Variants in ADIPOR1 observed in about 807,000 individuals in gnomAD.
ADIPOR1 encodes the protein adiponectin receptor protein 1.
Under a neutral mutation model 37.5 loss-of-function variants are expected in ADIPOR1, and 15 were observed. That is an observed-to-expected ratio of 0.40 (90% CI 0.27 to 0.62). The LOEUF is 0.62. Among genes scored for constraint, ADIPOR1 ranks in the 20% least tolerant of loss-of-function variants. The probability of loss-of-function intolerance (pLI) is 0.42; values close to 1 mark genes in which losing one functional copy is unlikely to be tolerated. For synonymous variants in ADIPOR1, 173 were observed against 173.2 expected (o/e 1.00, Z 0.01); for missense variants, 286 against 478.0 (o/e 0.60, Z 3.75).
intron 3 of ADIPOR1, among the ~76,000 whole-genome samples, chr1:202,947,580 A>G (rs1654386933): frequency 6.6e-6 from 1 of 152,100 alleles, no homozygotes; most frequent in African/African-American, 2.4e-5. Flanking sequence ...CAAAATTGAT[A>G]TACTGAATAA....
intron 1 of ADIPOR1, among the ~76,000 whole-genome samples, chr1:202,951,424 A>C (rs1335837989): frequency 2.6e-5 from 4 of 152,186 alleles, no homozygotes; most frequent in African/African-American, 9.7e-5. Context: ...TTACTGCACC[A>C]AACTGTCACC....
chr1:202,950,199 G>A (rs1424661359), intron 2 of ADIPOR1, among the ~76,000 whole-genome samples: 3 of 149,840 alleles, frequency 2.0e-5, no homozygotes, highest in Admixed American at 2.0e-4. Context: ...CTGATCTCAG[G>A]TGATCCACCT....
At chr1:202,941,952 C>G (rs1000546318) in intron 7 of ADIPOR1, 73 bp downstream of exon 7, 5 of 1,477,812 alleles carry the variant, frequency 3.4e-6, no homozygotes, top group South Asian at 1.3e-5. Context: ...TCTCATACCA[C>G]CTTTTCCTCA....
Position 202,950,988 on chromosome 1 carries a change from G to C in ADIPOR1, c.83C>G (p.Ala28Gly). 6.2e-7 allele frequency: 1 copy of C among 1,614,156 alleles called. No individual in the cohort carries two copies. The change falls in exon 2 of 8, where the codon GCT becomes GGT. Residue 28 changes from alanine to glycine, a missense_variant. Coordinates refer to ENST00000340990, the MANE Select transcript of ADIPOR1 (RefSeq NM_015999.6). ...SNREADTVEL[A>G]ELGPLLEEKG... The stretch of plus-strand genomic sequence containing the variant: ...CTCTTCTAGCAGGGGTCCCAGTTCA[G>C]CCAGTTCCACCGTGTCAGCTTCCCT...
intron 1 of ADIPOR1, among the ~76,000 whole-genome samples, chr1:202,956,470 G>C (rs974735072): frequency 1.3e-5 from 2 of 152,180 alleles, no homozygotes; most frequent in African/African-American, 4.8e-5. Flanking sequence ...ACAGAGACAA[G>C]GCAAAGAGGA....
intron 3 of ADIPOR1, among the ~76,000 whole-genome samples, chr1:202,947,247 C>T (rs536761642): frequency 1.3e-3 from 189 of 151,056 alleles, no homozygotes; most frequent in Non-Finnish European, 2.3e-3. Context: ...CCAGGCTGGG[C>T]GCAGTGGTTC....
At chr1:202,947,528 T>C (rs964638960) in intron 3 of ADIPOR1, among the ~76,000 whole-genome samples, 5 of 151,668 alleles carry the variant, frequency 3.3e-5, no homozygotes, top group African/African-American at 9.7e-5. Context: ...AAAAAATATA[T>C]ATATATATAT....
Position 202,945,159 on chromosome 1 carries a change from C to T in ADIPOR1, c.441G>A (p.Leu147=). Residue 147 remains leucine (L), a synonymous_variant, in exon 5 of 8, where the codon CTG becomes CTA. Coordinates refer to ENST00000340990, the MANE Select transcript of ADIPOR1 (RefSeq NM_015999.6). ...TGGTCAAGATTCCCAAAAAGAGAAACAGCACGAAACCTGCAGGAGGGTAAA... is the reference window on the plus strand; with the variant it reads ...TGGTCAAGATTCCCAAAAAGAGAAATAGCACGAAACCTGCAGGAGGGTAAA... ...NIWTHLLGFV[L]FLFLGILTML... The T allele has an allele frequency of 6.2e-7, 1 of 1,608,692 alleles. No homozygotes were observed. Among genetic ancestry groups the T allele is most frequent in the Non-Finnish European group, 8.5e-7 (1 of 1,178,048 alleles).
At chr1:202,944,924 G>T in intron 5 of ADIPOR1, 59 bp downstream of exon 5, 1 of 1,491,324 alleles carries the variant, frequency 6.7e-7, no homozygotes, top group Non-Finnish European at 9.1e-7. Flanking sequence ...AGTAAGCACT[G>T]GGATCTCAAG....
intron 7 of ADIPOR1, 84 bp from the exon 8 acceptor site, chr1:202,941,785 G>A (rs1558009215): frequency 2.0e-6 from 3 of 1,505,750 alleles, no homozygotes; most frequent in Non-Finnish European, 2.7e-6. Context: ...GCTTCTTCTA[G>A]TTTATCCTTA....
intron 3 of ADIPOR1, 106 bp from the exon 4 acceptor site, chr1:202,946,716 G>A: frequency 1.7e-6 from 2 of 1,190,512 alleles, no homozygotes; most frequent in Non-Finnish European, 1.2e-6. Flanking sequence ...GGCTCTGAAT[G>A]GTCCTAGGTA....
chr1:202,956,155 T>A (rs1349260905), intron 1 of ADIPOR1, among the ~76,000 whole-genome samples: 1 of 152,134 alleles, frequency 6.6e-6, no homozygotes, highest in Non-Finnish European at 1.5e-5. Context: ...GGAGGTGACA[T>A]TAGGGACAAA....
intron 3 of ADIPOR1, 100 bp from the exon 4 acceptor site, chr1:202,946,710 C>A (rs1654336586): frequency 2.4e-6 from 3 of 1,245,852 alleles, no homozygotes; most frequent in Admixed American, 4.0e-5. Flanking sequence ...CAGTCAGGCT[C>A]TGAATGGTCC....
rs569520807 is a variant in ADIPOR1 at position 202,948,676 on chromosome 1, T to C, written c.142-256A>G. Among the ~76,000 whole-genome samples, 11 of 152,330 alleles carry C rather than the reference T, an allele frequency of 7.2e-5. No individual in the cohort carries two copies. The South Asian group carries it at 8.3e-4, about 11-fold the overall frequency. ...AGAAGGACTGTCACAGAGACTAGCA[T>C]TGGGGGAATACACCAGCTCTAGGTA... On this transcript the variant is annotated intron_variant, in intron 2 of 7. Transcript: ENST00000340990.
intron 3 of ADIPOR1, among the ~76,000 whole-genome samples, chr1:202,947,088 C>T (rs956362039): frequency 4.0e-5 from 6 of 151,620 alleles, no homozygotes; most frequent in Non-Finnish European, 8.8e-5. Flanking sequence ...TGCACTCCAG[C>T]CTGGGCGACC....
chr1:202,957,587 A>G (rs529628640), intron 1 of ADIPOR1, among the ~76,000 whole-genome samples: 7 of 152,168 alleles, frequency 4.6e-5, no homozygotes, highest in African/African-American at 1.7e-4. Context: ...TTTTCCCCCA[A>G]AGTACCTTCG....
intron 6 of ADIPOR1, among the ~76,000 whole-genome samples, chr1:202,942,855 TTTTC>T (rs201917303): frequency 3.8e-4 from 52 of 137,060 alleles, no homozygotes; most frequent in Admixed American, 1.7e-3. Context: ...TATTTTTTTC[TTTTC>T]TTTCTTTCTT....
In ADIPOR1 at chr1:202,958,293, C is replaced by G. The variant is rs1347456911; in HGVS notation, c.-203G>C. 6.6e-6 allele frequency: 1 copy of G among 152,244 alleles called. No individual in the cohort carries two copies. Among genetic ancestry groups the G allele is most frequent in the Non-Finnish European group, 1.5e-5 (1 of 68,108 alleles). 9.4% of individuals were successfully genotyped at this position (152,244 alleles called of 1,614,324 possible). ...CCCGATCTTCAGCGCCCTCCCCGCG[C>G]CGGAAGGGGCGCGCGACCTCCCGCG... is the stretch of plus-strand genomic sequence containing the variant. On this transcript the variant is annotated 5_prime_UTR_variant, in exon 1 of 8. Transcript: ENST00000340990.
chr1:202,955,506 C>T (rs776619046), intron 1 of ADIPOR1, among the ~76,000 whole-genome samples: 21 of 151,004 alleles, frequency 1.4e-4, no homozygotes, highest in Non-Finnish European at 2.2e-4. Context: ...TGTTTTTGAG[C>T]CCTGACAGAC....
Sources: gnomAD v4.1 joint callset for allele counts (sites outside exome capture counted in the v4.1 genomes callset) on GRCh38, gnomAD v4.1.1 for gene constraint, MANE v1.5 for transcripts, NCBI Gene and HGNC (gene_info 2026-07-23, HGNC 2026-07-21) for gene names.